The following SIK2 variants were observed in gnomAD, a reference collection of about 807,000 sequenced individuals.
SIK2 encodes the protein serine/threonine-protein kinase SIK2.
SIK2 carries 29 observed loss-of-function variants against 103.2 expected under a neutral mutation model. The ratio of observed to expected loss-of-function variants is 0.28; its 90% CI spans 0.21 to 0.38. The LOEUF is 0.38. SIK2 is among the 10% of genes least tolerant of loss of function. SIK2 has a pLI of 1.00. For synonymous variants in SIK2, 412 were observed against 446.1 expected (o/e 0.92, Z 0.96); for missense variants, 879 against 1,171.0 (o/e 0.75, Z 3.64).
In SIK2 at chr11:111,602,714, C is replaced by T. The variant is rs1453595745; in HGVS notation, c.135+16C>T. ...CAAGACGGAGGTGCGGCCCGGGGCT[C>T]GGCGGGAGCGTCCGAGGCGAGGGTT... On this transcript the variant is annotated intron_variant, in intron 1 of 14. Coordinates refer to ENST00000304987, the MANE Select transcript of SIK2 (RefSeq NM_015191.3). This position sits in a 1 kb window ranked among gnomAD's most constrained non-coding sequence, Gnocchi z 4.5. 2.7e-6 allele frequency: 4 copies of T among 1,489,984 alleles called. No individual in the cohort carries two copies. The highest frequency in any genetic ancestry group is 2.3e-5 in the Admixed American group (1 of 44,378). The allele number at this position is 1,489,984 out of a possible 1,614,324, so 92.3% of individuals were successfully genotyped here. A position where few individuals can be genotyped will look rare whatever the true frequency, so the allele number is the denominator to read the frequency against.
intron 3 of SIK2, among the ~76,000 whole-genome samples, chr11:111,638,576 A>AT (rs1342505830): frequency 1.3e-5 from 2 of 151,888 alleles, no homozygotes; most frequent in African/African-American, 2.4e-5. Flanking sequence ...CAACAGTGAG[A>AT]TTTTTTTTGT....
intron 3 of SIK2, among the ~76,000 whole-genome samples, chr11:111,676,596 A>T (rs1173249554): frequency 5.3e-5 from 8 of 152,232 alleles, no homozygotes; most frequent in Non-Finnish European, 1.0e-4. Flanking sequence ...TTAAAGAAAG[A>T]AGTAAAAGAG....
intron 3 of SIK2, among the ~76,000 whole-genome samples, chr11:111,662,269 G>A (rs765098917): frequency 1.3e-5 from 2 of 152,172 alleles, no homozygotes; most frequent in African/African-American, 2.4e-5. Flanking sequence ...ATATTCATTC[G>A]TCAATTCAGC....
At chr11:111,675,411 C>T (rs1018915113) in intron 3 of SIK2, among the ~76,000 whole-genome samples, 2 of 152,148 alleles carry the variant, frequency 1.3e-5, no homozygotes, top group African/African-American at 2.4e-5. Flanking sequence ...GTATTTCAAC[C>T]CTGTCAATTC....
chr11:111,671,575 G>T, intron 3 of SIK2: 1 of 328,386 alleles, frequency 3.0e-6, no homozygotes, highest in South Asian at 3.0e-5. Flanking sequence ...GCTGTGATTG[G>T]AGATGTCCTC....
chr11:111,702,920 A>G (rs1402358821), intron 6 of SIK2, among the ~76,000 whole-genome samples: 2 of 15,650 alleles, frequency 1.3e-4, no homozygotes, highest in Non-Finnish European at 8.5e-4. Context: ...AGTGGAAACC[A>G]AAGTCTGTTT....
chr11:111,723,903 C>T lies in SIK2; in HGVS notation c.2555C>T (p.Pro852Leu), dbSNP rs779392505. The change falls in exon 15 of 15, where the codon CCA (proline) becomes CTA (leucine). Residue 852 changes from proline (P) to leucine (L), a missense_variant. By Grantham distance (98) the Pro-to-Leu change is moderately conservative. Around this residue, in one of 7 missense-constraint regions of SIK2, gnomAD observed 375 missense variants for 416.3 expected, o/e 0.90. Transcript: ENST00000304987. ...LQFSYQTCEL[P>L]SAASPAPDYP... ...TTCTCCTATCAGACTTGTGAGCTGC[C>T]AAGCGCTGCTTCCCCTGCGCCAGAC... 3.7e-6 allele frequency: 6 copies of T among 1,613,582 alleles called. No homozygotes were observed. The African/African-American group carries it at 4.0e-5, about 11-fold the overall frequency.
At chr11:111,712,403 C>T in intron 9 of SIK2, 28 bp downstream of exon 9, 2 of 1,598,396 alleles carry the variant, frequency 1.3e-6, no homozygotes, top group Non-Finnish European at 1.7e-6. Flanking sequence ...AGTCTCAGAA[C>T]TGGCAGTTTG....
intron 1 of SIK2, among the ~76,000 whole-genome samples, chr11:111,609,717 G>A (rs1460219621): frequency 5.3e-5 from 8 of 152,178 alleles, no homozygotes; most frequent in Non-Finnish European, 8.8e-5. Context: ...TTCTGAGAGG[G>A]TAACTAGAGA....
Position 111,724,195 on chromosome 11 carries a change from C to G in SIK2, c.*66C>G. The G allele has an allele frequency of 6.5e-7, 1 of 1,528,514 alleles. No individual in the cohort carries two copies. Among genetic ancestry groups the G allele is most frequent in the Non-Finnish European group, 8.7e-7 (1 of 1,144,238 alleles). The allele number at this position is 1,528,514 out of a possible 1,614,324, so 94.7% of individuals were successfully genotyped here. ...TGTATGTTCCTATTTTTATTCCAGC[C>G]TTTTAAATTTAAAGCTTATTTTCTT... On this transcript the variant is annotated 3_prime_UTR_variant, in exon 15 of 15. Coordinates refer to ENST00000304987, the MANE Select transcript of SIK2 (RefSeq NM_015191.3).
chr11:111,614,683 A>G (rs966614704), intron 1 of SIK2, among the ~76,000 whole-genome samples: 1 of 152,220 alleles, frequency 6.6e-6, no homozygotes, highest in Non-Finnish European at 1.5e-5. Flanking sequence ...AAATTTGTGT[A>G]TCAGTGAACC....
chr11:111,659,497 G>C (rs959232021), intron 3 of SIK2, among the ~76,000 whole-genome samples: 1 of 152,202 alleles, frequency 6.6e-6, no homozygotes, highest in Non-Finnish European at 1.5e-5. Flanking sequence ...TTTCTTAAAA[G>C]AGTAGTGTTG....
intron 3 of SIK2, among the ~76,000 whole-genome samples, chr11:111,627,657 A>G (rs1941978302): frequency 6.6e-6 from 1 of 152,210 alleles, no homozygotes; most frequent in Non-Finnish European, 1.5e-5. Flanking sequence ...ATAGATAAAC[A>G]GTAGTTAACT....
In SIK2 at chr11:111,645,068, T is replaced by TA. The variant is rs1942237727; in HGVS notation, c.316+24669dup. Reference sequence around the variant, plus strand: ...TATAATAGAGACTGAGGGAAGATGTTAAACAAGTAAACATAAGCAAGAAAA... The same window carrying TA: ...TATAATAGAGACTGAGGGAAGATGTTAAAACAAGTAAACATAAGCAAGAAAA... On this transcript the variant is annotated intron_variant, in intron 3 of 14. Transcript: ENST00000304987. Among the ~76,000 whole-genome samples, 3 of 152,154 alleles carry TA rather than the reference T, an allele frequency of 2.0e-5. No homozygotes were observed. The South Asian group carries it at 6.2e-4, about 32-fold the overall frequency.
At chr11:111,663,923 G>A (rs1942500538) in intron 3 of SIK2, among the ~76,000 whole-genome samples, 1 of 152,180 alleles carries the variant, frequency 6.6e-6, no homozygotes, top group Non-Finnish European at 1.5e-5. Context: ...GCTTGCCTGA[G>A]ATCATACAGC....
intron 3 of SIK2, among the ~76,000 whole-genome samples, chr11:111,649,056 A>G (rs1942295344): frequency 6.6e-6 from 1 of 152,210 alleles, no homozygotes; most frequent in Admixed American, 6.5e-5. Context: ...AAATTCTGTC[A>G]GGCTACACAT....
At chr11:111,696,729 C>G (rs1449070032) in intron 4 of SIK2, among the ~76,000 whole-genome samples, 1 of 152,126 alleles carries the variant, frequency 6.6e-6, no homozygotes, top group Non-Finnish European at 1.5e-5. Context: ...TGTGTTGTTG[C>G]AAGACTTCTG....
chr11:111,608,652 G>A (rs891738292), intron 1 of SIK2, among the ~76,000 whole-genome samples: 2 of 152,164 alleles, frequency 1.3e-5, no homozygotes, highest in African/African-American at 4.8e-5. Context: ...AATAGTATTT[G>A]TGCATTTGAC....
At chr11:111,667,092 C>T (rs972762554) in intron 3 of SIK2, among the ~76,000 whole-genome samples, 4 of 151,864 alleles carry the variant, frequency 2.6e-5, no homozygotes, top group African/African-American at 4.8e-5. Context: ...CTCAGCCTCC[C>T]GAGTAGCTGG....
Sources: allele counts gnomAD v4.1 joint callset (sites outside exome capture counted in the v4.1 genomes callset), GRCh38; gene constraint gnomAD v4.1.1; regional missense constraint gnomAD v4.1.1; non-coding constraint Gnocchi (gnomAD v3.1); transcripts MANE v1.5; gene names NCBI Gene and HGNC (gene_info 2026-07-23, HGNC 2026-07-21).